The following MTOR variants were observed in gnomAD, a reference collection of about 807,000 sequenced individuals.
The protein encoded by MTOR is serine/threonine-protein kinase mTOR.
In MTOR, 70 loss-of-function variants were observed where a neutral mutation model predicts 319.8. The ratio of observed to expected loss-of-function variants is 0.22; its 90% confidence interval spans 0.18 to 0.27. The LOEUF is 0.27. Among genes scored for constraint, MTOR ranks in the 10% least tolerant of loss-of-function variants. MTOR has a pLI of 1.00. For synonymous variants in MTOR, 1,183 were observed against 1,211.4 expected (o/e 0.98, Z 0.49); for missense variants, 1,890 against 3,274.4 (o/e 0.58, Z 10.32).
chr1:11,241,263 G>C (rs961497794), intron 10 of MTOR, among the ~76,000 whole-genome samples: 1 of 149,528 alleles, frequency 6.7e-6, no homozygotes, highest in Non-Finnish European at 1.5e-5. Flanking sequence ...GGAGCTTGCA[G>C]TGAGCCAAGA....
intron 57 of MTOR, 151 bp from the exon 58 acceptor site, chr1:11,107,651 A>G: frequency 3.6e-6 from 3 of 830,660 alleles, no homozygotes; most frequent in South Asian, 1.9e-5. Flanking sequence ...CACACTCATC[A>G]TTTCCAGTCA....
intron 28 of MTOR, among the ~76,000 whole-genome samples, chr1:11,183,719 G>C (rs536399169): frequency 7.9e-5 from 12 of 151,984 alleles, no homozygotes; most frequent in Middle Eastern, 3.4e-3. Flanking sequence ...TTGTTTTACT[G>C]TTCACACTTA....
intron 57 of MTOR, 70 bp downstream of exon 57, chr1:11,108,111 C>T (rs1557733713): frequency 2.4e-6 from 3 of 1,266,248 alleles, no homozygotes; most frequent in East Asian, 2.3e-5. Context: ...TTTTGCTACT[C>T]TGGCTTTGGG....
At chr1:11,184,031 T>C (rs985252219) in intron 28 of MTOR, among the ~76,000 whole-genome samples, 10 of 152,226 alleles carry the variant, frequency 6.6e-5, no homozygotes, top group Non-Finnish European at 1.2e-4. Context: ...CATTTGTTCA[T>C]CCATGTCACT....
intron 18 of MTOR, among the ~76,000 whole-genome samples, chr1:11,230,572 T>C (rs1031498722): frequency 6.6e-6 from 1 of 152,160 alleles, no homozygotes; most frequent in Non-Finnish European, 1.5e-5. Flanking sequence ...CCTCTTCTTC[T>C]GTAGATACCA....
chr1:11,250,863 C>T (rs575811260), intron 6 of MTOR, among the ~76,000 whole-genome samples: 125 of 152,306 alleles, frequency 8.2e-4, no homozygotes, highest in African/African-American at 2.9e-3. Context: ...AGGCCAAACA[C>T]CTTGACACTT....
chr1:11,207,766 G>C (rs1022322561), intron 25 of MTOR, among the ~76,000 whole-genome samples: 3 of 151,656 alleles, frequency 2.0e-5, no homozygotes, highest in Non-Finnish European at 2.9e-5. Context: ...AAATTACTGA[G>C]ATTACAGGCA....
chr1:11,182,028 ACCGACATGGAGAAACCC>A (rs549033058), intron 28 of MTOR, among the ~76,000 whole-genome samples: 143 of 152,088 alleles, frequency 9.4e-4, no homozygotes, highest in Non-Finnish European at 1.4e-3. Flanking sequence ...GACCAGCCTG[ACCGACATGGAGAAACCC>A]CCTCTCTACT....
rs7533047 is a variant in MTOR at position 11,248,402 on chromosome 1, G to A, written c.841-308C>T. ...GTTTGGAAGGGCTGACTTGCATACTGCTGTGACTACTGACCTAGGCCACTG... is the reference window on the plus strand; with the variant it reads ...GTTTGGAAGGGCTGACTTGCATACTACTGTGACTACTGACCTAGGCCACTG... On this transcript the variant is annotated intron_variant, in intron 6 of 57. Transcript: ENST00000361445. Among the ~76,000 whole-genome samples the A allele has an allele frequency of 0.028, 4,217 of 152,294 alleles. 172 individuals carry two copies. Among genetic ancestry groups the A allele is most frequent in the African/African-American group, 0.095 (3,946 of 41,544 alleles).
rs181504554 is a variant in MTOR at position 11,189,169 on chromosome 1, G to A, written c.4253+10089C>T. 2.0e-5 allele frequency among the ~76,000 whole-genome samples: 3 copies of A among 152,220 alleles called. No individual in the cohort carries two copies. In the East Asian group the frequency reaches 5.8e-4, roughly 29 times the overall value. ...TTGTCTTAGCCCAGAGACTGTACAG[G>A]CAAGGAAAGAAAGACTCGCCCCATC... On this transcript the variant is annotated intron_variant, in intron 28 of 57. Coordinates refer to ENST00000361445, the MANE Select transcript of MTOR (RefSeq NM_004958.4).
intron 6 of MTOR, among the ~76,000 whole-genome samples, chr1:11,253,149 G>C (rs977463744): frequency 1.3e-5 from 2 of 152,064 alleles, no homozygotes; most frequent in African/African-American, 4.8e-5. Context: ...GCTTACTCAG[G>C]GTCAGATGTG....
At chr1:11,120,344 G>A (rs1642449513) in intron 49 of MTOR, among the ~76,000 whole-genome samples, 1 of 151,944 alleles carries the variant, frequency 6.6e-6, no homozygotes, top group African/African-American at 2.4e-5. Context: ...TTTGAGACTA[G>A]CCTGGACAAC....
chr1:11,130,977 A>T, intron 38 of MTOR, 200 bp from the exon 39 acceptor site: 1 of 658,562 alleles, frequency 1.5e-6, no homozygotes, highest in Non-Finnish European at 2.6e-6. Flanking sequence ...CACTAACTAT[A>T]TAACGTACTA....
chr1:11,219,714 T>A (rs1646594481), intron 19 of MTOR, among the ~76,000 whole-genome samples: 1 of 151,994 alleles, frequency 6.6e-6, no homozygotes, highest in African/African-American at 2.4e-5. Flanking sequence ...TTAGTCTGTT[T>A]AAAATGCCTT....
chr1:11,139,382 T>C lies in MTOR; in HGVS notation c.5052A>G (p.Gln1684=), dbSNP rs781324623. The change falls in exon 36 of 58, where the codon CAA becomes CAG. Residue 1684 remains glutamine (Q), a synonymous_variant. Transcript: ENST00000361445. ...VLLLGVDPSR[Q]LDHPLPTVHP... ...GAACTGTTGGCAGAGGATGGTCAAG[T>C]TGCCGAGACGGATCAACTCCCAGGA... The C allele has an allele frequency of 7.4e-6, 12 of 1,613,652 alleles. No homozygotes were observed. The highest frequency in any genetic ancestry group is 1.7e-4 in the Middle Eastern group (1 of 6,058).
chr1:11,130,710 C>A lies in MTOR; in HGVS notation c.5432G>T (p.Arg1811Leu), dbSNP rs751393552. The change falls in exon 39 of 58, where the codon CGC (arginine) becomes CTC (leucine). Residue 1811 changes from arginine to leucine, a missense_variant. Physicochemically the swap from Arg to Leu is moderately radical, Grantham distance 102. This residue lies in a region of MTOR where 91 missense variants were observed against 90.4 expected (regional missense o/e 1.01). Transcript: ENST00000361445. ...VLHYKHQNQA[R>L]DEKKKLRHAS... The stretch of plus-strand genomic sequence containing the variant: ...ATGACGCAGTTTCTTCTTCTCATCG[C>A]GGGCTTGGTTCTGATGTTTGTAGTG... 1 of 1,602,052 alleles carries A rather than the reference C, an allele frequency of 6.2e-7. No homozygotes were observed. Among genetic ancestry groups the A allele is most frequent in the Admixed American group, 1.7e-5 (1 of 57,464 alleles).
chr1:11,251,066 G>A (rs770997448), intron 6 of MTOR, among the ~76,000 whole-genome samples: 1 of 152,170 alleles, frequency 6.6e-6, no homozygotes, highest in Admixed American at 6.5e-5. Context: ...ACAATGGCAA[G>A]AGTGATCCTT....
Position 11,232,483 on chromosome 1 carries a change from T to C in MTOR, c.2467A>G (p.Ile823Val), listed in dbSNP as rs774356623. 1 of 1,613,982 alleles carries C rather than the reference T, an allele frequency of 6.2e-7. No individual in the cohort carries two copies. ...MRKWVDELFI[I>V]IMDMLQDSSL... The stretch of plus-strand genomic sequence containing the variant: ...GAATCCTGGAGCATGTCCATGATGA[T>C]AATAAAAAGTTCATCAACCCATTTC... Residue 823 changes from isoleucine (I) to valine (V), a missense_variant, in exon 16 of 58, where the codon ATC becomes GTC. This residue lies in a region of MTOR where 377 missense variants were observed against 653.9 expected (regional missense o/e 0.58). Transcript: ENST00000361445.
Position 11,195,157 on chromosome 1 carries a change from G to A in MTOR, c.4253+4101C>T, listed in dbSNP as rs1645737482. ...CCTATAATCTCCAAAGAAAGAATAAGTCTCCAAGGAGCACAAAAAAATCAT... is the reference window on the plus strand; with the variant it reads ...CCTATAATCTCCAAAGAAAGAATAAATCTCCAAGGAGCACAAAAAAATCAT... On this transcript the variant is annotated intron_variant, in intron 28 of 57. Transcript: ENST00000361445. The A allele has an allele frequency of 1.5e-5, 15 of 1,016,418 alleles. 1 individual carries two copies. The East Asian group carries it at 3.7e-4, about 25-fold the overall frequency. 63.0% of individuals were successfully genotyped at this position (1,016,418 alleles called of 1,614,324 possible).
Sources: allele counts gnomAD v4.1 joint callset (sites outside exome capture counted in the v4.1 genomes callset), GRCh38; gene constraint gnomAD v4.1.1; regional missense constraint gnomAD v4.1.1; transcripts MANE v1.5; gene names NCBI Gene and HGNC (gene_info 2026-07-23, HGNC 2026-07-21).